Variants in GJC1 observed in about 807,000 individuals in gnomAD.
The protein encoded by GJC1 is gap junction gamma-1 protein.
In GJC1, 5 loss-of-function variants were observed where a neutral mutation model predicts 29.3. That is an observed-to-expected ratio of 0.17 (90% CI 0.09 to 0.36). The LOEUF (loss-of-function observed/expected upper bound fraction) is 0.36, where lower values mean the gene tolerates loss of function less well. Among genes scored for constraint, GJC1 ranks in the 10% least tolerant of loss-of-function variants. The probability of loss-of-function intolerance (pLI) is 1.00; values close to 1 mark genes in which losing one functional copy is unlikely to be tolerated. For synonymous variants in GJC1, 177 were observed against 183.3 expected, an observed-to-expected ratio of 0.97 and a Z score of 0.28; for missense variants, 310 against 496.2, an observed-to-expected ratio of 0.62 and a Z score of 3.56.
At chr17:44,824,953 G>T (rs1456513906) in intron 1 of GJC1, among the ~76,000 whole-genome samples, 1 of 149,688 alleles carries the variant, frequency 6.7e-6, no homozygotes, top group East Asian at 1.9e-4. Flanking sequence ...AGGTGCCTTG[G>T]CCTGTAATCC....
At chr17:44,823,593 G>A (rs2050137277) in intron 1 of GJC1, among the ~76,000 whole-genome samples, 1 of 151,846 alleles carries the variant, frequency 6.6e-6, no homozygotes, top group South Asian at 2.1e-4. Flanking sequence ...TGTAGAGACA[G>A]GGTCTCATCA....
chr17:44,797,352 C>T (rs902409597), downstream of GJC1, among the ~76,000 whole-genome samples: 6 of 152,130 alleles, frequency 3.9e-5, no homozygotes, highest in Admixed American at 6.6e-5. Context: ...GTGATCCGCC[C>T]GCCTTGGCCT....
At chr17:44,812,565 T>G (rs958143442) in intron 1 of GJC1, among the ~76,000 whole-genome samples, 1 of 152,096 alleles carries the variant, frequency 6.6e-6, no homozygotes, top group Non-Finnish European at 1.5e-5. Flanking sequence ...TGTTTTGGTT[T>G]TCCTTATGTC....
At chr17:44,794,606 C>G (rs551989156), downstream of GJC1, 1 of 152,354 alleles carries the variant, frequency 6.6e-6, no homozygotes, top group South Asian at 2.1e-4. Context: ...GATAAAATTA[C>G]ACTTCCATAG....
intron 1 of GJC1, among the ~76,000 whole-genome samples, chr17:44,827,363 C>A (rs997903708): frequency 2.0e-5 from 3 of 151,992 alleles, no homozygotes; most frequent in African/African-American, 7.3e-5. Context: ...AAAAAAAATT[C>A]CTGCTTTTTC....
At chr17:44,796,621 C>A (rs1003867404), downstream of GJC1, among the ~76,000 whole-genome samples, 4 of 152,076 alleles carry the variant, frequency 2.6e-5, no homozygotes, top group Non-Finnish European at 5.9e-5. Context: ...TAAGAATCAC[C>A]AGGTAATTTG....
At chr17:44,796,727 TAATAA>T (rs139672340), downstream of GJC1, among the ~76,000 whole-genome samples, 13,932 of 152,178 alleles carry the variant, frequency 0.092, 734 homozygotes, top group East Asian at 0.14. Context: ...AATTATATCT[TAATAA>T]AAGATTTAAA....
intron 1 of GJC1, among the ~76,000 whole-genome samples, chr17:44,810,588 T>C (rs564129891): frequency 6.6e-6 from 1 of 152,172 alleles, no homozygotes; most frequent in East Asian, 1.9e-4. Flanking sequence ...ATCGCTACGG[T>C]CTATGCTCTT....
chr17:44,816,907 G>A (rs1597753247), intron 1 of GJC1, among the ~76,000 whole-genome samples: 1 of 152,016 alleles, frequency 6.6e-6, no homozygotes, highest in East Asian at 1.9e-4. Context: ...AGGAAATCAG[G>A]TTTAAAAATT....
At chr17:44,827,819 C>T (rs1450936723) in intron 1 of GJC1, among the ~76,000 whole-genome samples, 1 of 151,796 alleles carries the variant, frequency 6.6e-6, no homozygotes, top group African/African-American at 2.4e-5. Flanking sequence ...CCTGTAGTCC[C>T]AGCCACTGCA....
chr17:44,809,818 C>T (rs2049953834), intron 1 of GJC1, among the ~76,000 whole-genome samples: 1 of 151,968 alleles, frequency 6.6e-6, no homozygotes, highest in Non-Finnish European at 1.5e-5. Flanking sequence ...CCGCCTGCCT[C>T]GGCCTCCCGA....
chr17:44,830,594 C>T (rs1247492277), upstream of GJC1: 1 of 398,526 alleles, frequency 2.5e-6, no homozygotes, highest in African/African-American at 2.1e-5. This position sits in a 1 kb window ranked among gnomAD's most constrained non-coding sequence, Gnocchi z 4.3. Context: ...AGCCGCGCCT[C>T]AGTTTGAGCG....
At chr17:44,811,786 C>T (rs2049985874) in intron 1 of GJC1, among the ~76,000 whole-genome samples, 1 of 151,664 alleles carries the variant, frequency 6.6e-6, no homozygotes, top group African/African-American at 2.4e-5. Context: ...AGTGGATCAC[C>T]TGAGGTCGGG....
chr17:44,822,888 G>T (rs1400794928), intron 1 of GJC1, among the ~76,000 whole-genome samples: 1 of 151,988 alleles, frequency 6.6e-6, no homozygotes, highest in Non-Finnish European at 1.5e-5. Context: ...TATGGTAACC[G>T]AAGCCACAGA....
In GJC1 at chr17:44,801,480, G is replaced by A. The variant is rs1387470968; in HGVS notation, c.*3147C>T. The A allele has an allele frequency of 6.6e-6, 1 of 152,174 alleles. No homozygotes were observed. Among genetic ancestry groups the A allele is most frequent in the African/African-American group, 2.4e-5 (1 of 41,440 alleles). The allele number at this position is 152,174 out of a possible 1,614,324, so 9.4% of individuals were successfully genotyped here. On this transcript the variant is annotated 3_prime_UTR_variant, in exon 3 of 3. Transcript: ENST00000592524. ...AACAGTATGATTCTGATGCGAGTGAGAACTAAATGTTGGACAGGCTTTTTA... is the reference window on the plus strand; with the variant it reads ...AACAGTATGATTCTGATGCGAGTGAAAACTAAATGTTGGACAGGCTTTTTA...
rs2049906392 is a variant in GJC1, at chr17:44,805,758, C to T, written c.60G>A (p.Val20=). ...LEEIHNHSTF[V]GKIWLTVLIV... is the part of the protein sequence containing the mutation. Reference sequence around the variant, plus strand: ...TCAGAACAGTGAGCCAGATCTTCCCCACAAATGTGGAATGGTTGTGAATCT... The same window carrying T: ...TCAGAACAGTGAGCCAGATCTTCCCTACAAATGTGGAATGGTTGTGAATCT... Residue 20 remains valine, a synonymous_variant, in exon 3 of 3, where the codon GTG becomes GTA. Coordinates refer to ENST00000592524, the MANE Select transcript of GJC1 (RefSeq NM_005497.4). This position sits in a 1 kb window ranked among gnomAD's most constrained non-coding sequence, Gnocchi z 5.1. The T allele has an allele frequency of 6.2e-7, 1 of 1,614,104 alleles. No individual in the cohort carries two copies. The highest frequency in any genetic ancestry group is 1.3e-5 in the African/African-American group (1 of 75,058).
chr17:44,795,686 C>A (rs1242903054), downstream of GJC1, among the ~76,000 whole-genome samples: 1 of 152,218 alleles, frequency 6.6e-6, no homozygotes, highest in Admixed American at 6.5e-5. Flanking sequence ...GGGCTCTGAC[C>A]CCAAGACAGT....
In GJC1 at chr17:44,830,193, C is replaced by G. The variant is rs926583567; in HGVS notation, c.-228G>C. ...CCTCCACCTCCTCCGCCGCTGCCGC[C>G]TTCGCCTCAGTCTCCAGCCGAGGCA... On this transcript the variant is annotated 5_prime_UTR_variant, in exon 1 of 3. Coordinates refer to ENST00000592524, the MANE Select transcript of GJC1 (RefSeq NM_005497.4). This position sits in a 1 kb window ranked among gnomAD's most constrained non-coding sequence, Gnocchi z 4.3. 1.3e-5 allele frequency: 2 copies of G among 152,950 alleles called. No homozygotes were observed. Among genetic ancestry groups the G allele is most frequent in the African/African-American group, 4.8e-5 (2 of 41,366 alleles). 9.5% of individuals were successfully genotyped at this position (152,950 alleles called of 1,614,324 possible).
chr17:44,824,808 T>TAA (rs11462802), intron 1 of GJC1, among the ~76,000 whole-genome samples: 49 of 95,982 alleles, frequency 5.1e-4, no homozygotes, highest in African/African-American at 1.8e-3. Context: ...AAGACTGTCT[T>TAA]AAAAAAAAAA....
Sources: allele counts gnomAD v4.1 joint callset (sites outside exome capture counted in the v4.1 genomes callset), GRCh38; gene constraint gnomAD v4.1.1; non-coding constraint Gnocchi (gnomAD v3.1); transcripts MANE v1.5; gene names NCBI Gene and HGNC (gene_info 2026-07-23, HGNC 2026-07-21).